The following CCDC192 variants were observed in gnomAD, a reference collection of about 807,000 sequenced individuals.
The protein encoded by CCDC192 is coiled-coil domain-containing protein 192.
chr5:127,795,332 A>G (rs36081147), intron 3 of CCDC192, among the ~76,000 whole-genome samples: 3 of 151,944 alleles, frequency 2.0e-5, no homozygotes, highest in Non-Finnish European at 2.9e-5. Context: ...ATATTTAGAT[A>G]AAACCCAGAA....
intron 2 of CCDC192, among the ~76,000 whole-genome samples, chr5:127,739,240 C>T (rs530300264): frequency 8.5e-4 from 130 of 152,224 alleles, no homozygotes; most frequent in Middle Eastern, 3.4e-3. Flanking sequence ...GTTAGGCTGC[C>T]CGGGGGTCAG....
intron 5 of CCDC192, among the ~76,000 whole-genome samples, chr5:127,872,504 A>G (rs936826069): frequency 2.0e-5 from 3 of 152,168 alleles, no homozygotes; most frequent in African/African-American, 4.8e-5. Context: ...CCAGAAGTGG[A>G]AAGAGTTGAG....
chr5:127,714,185 T>C (rs1431492515), intron 2 of CCDC192, among the ~76,000 whole-genome samples: 1 of 152,236 alleles, frequency 6.6e-6, no homozygotes, highest in Non-Finnish European at 1.5e-5. Context: ...GTCTTTTTTG[T>C]GGCTGAATAG....
At chr5:127,806,546 TCTTA>T (rs377371503) in intron 5 of CCDC192, among the ~76,000 whole-genome samples, 1 of 152,304 alleles carries the variant, frequency 6.6e-6, no homozygotes, top group East Asian at 1.9e-4. Context: ...TATTTCAGTT[TCTTA>T]CTTAATAAGC....
intron 2 of CCDC192, among the ~76,000 whole-genome samples, chr5:127,734,925 A>C (rs1222638262): frequency 6.7e-6 from 1 of 150,146 alleles, no homozygotes; most frequent in Non-Finnish European, 1.5e-5. Flanking sequence ...GAAGCTCTTT[A>C]GTTTAATTAG....
intron 2 of CCDC192, among the ~76,000 whole-genome samples, chr5:127,718,440 G>A (rs934330907): frequency 5.9e-5 from 9 of 152,100 alleles, no homozygotes; most frequent in African/African-American, 2.2e-4. Context: ...TCCTTCAAAT[G>A]GCAAAAAGTT....
At chr5:127,941,140 T>G in intron 6 of CCDC192, 42 bp from the exon 7 acceptor site, 1 of 399,028 alleles carries the variant, frequency 2.5e-6, no homozygotes, top group Non-Finnish European at 4.4e-6. Flanking sequence ...CTGGGAAATC[T>G]AATCAAAACT....
At chr5:127,840,401 G>T (rs1372423664) in intron 5 of CCDC192, among the ~76,000 whole-genome samples, 2 of 152,238 alleles carry the variant, frequency 1.3e-5, no homozygotes, top group South Asian at 4.1e-4. Flanking sequence ...AGTTGCATGG[G>T]TGGAGTAGAA....
At chr5:127,745,418 A>G (rs746759193) in intron 2 of CCDC192, among the ~76,000 whole-genome samples, 3 of 152,240 alleles carry the variant, frequency 2.0e-5, no homozygotes, top group East Asian at 3.8e-4. Flanking sequence ...ACAATGTCAT[A>G]TAAGATTTGT....
intron 2 of CCDC192, among the ~76,000 whole-genome samples, chr5:127,738,975 A>G (rs200934514): frequency 0.27 from 40,568 of 150,326 alleles, 6,368 homozygotes; most frequent in Middle Eastern, 0.38. Flanking sequence ...CTGGTGAGGA[A>G]CTGTGTTCCT....
chr5:127,861,393 G>A (rs1242122570), intron 5 of CCDC192, among the ~76,000 whole-genome samples: 1 of 150,466 alleles, frequency 6.6e-6, no homozygotes, highest in African/African-American at 2.4e-5. Context: ...AGTGGCTCAT[G>A]CCTGTAATCC....
chr5:127,865,976 C>T (rs891723392), intron 5 of CCDC192, among the ~76,000 whole-genome samples: 1 of 151,736 alleles, frequency 6.6e-6, no homozygotes, highest in Non-Finnish European at 1.5e-5. Context: ...TTTTATATAC[C>T]GTGCTCCCTG....
chr5:127,834,888 G>GTA lies in CCDC192; in HGVS notation c.411+36735_411+36736dup, dbSNP rs200191009. 8.9e-4 allele frequency among the ~76,000 whole-genome samples: 135 copies of GTA among 152,226 alleles called. 1 individual carries two copies. The East Asian group carries it at 0.019, about 21-fold the overall frequency. On this transcript the variant is annotated intron_variant, in intron 5 of 6. Coordinates refer to ENST00000514853, the MANE Select transcript of CCDC192 (RefSeq NM_001317938.2). ...GCCAGTAGCACAAATGGGCCAGTGTGTATATATATACATATTTTTTTCTTT... is the reference window on the plus strand; with the variant it reads ...GCCAGTAGCACAAATGGGCCAGTGTGTATATATATATACATATTTTTTTCTTT...
chr5:127,886,101 G>T (rs749968427), intron 6 of CCDC192, among the ~76,000 whole-genome samples: 10 of 152,090 alleles, frequency 6.6e-5, no homozygotes, highest in Non-Finnish European at 1.2e-4. Flanking sequence ...TCTTCTGCAC[G>T]TGCTTTTCTT....
intron 2 of CCDC192, among the ~76,000 whole-genome samples, chr5:127,709,553 C>T (rs1163258938): frequency 6.6e-6 from 1 of 152,152 alleles, no homozygotes; most frequent in Non-Finnish European, 1.5e-5. Flanking sequence ...TCTCTCTTGT[C>T]AGTGTAGTTC....
At chr5:127,710,728 T>C (rs894793179) in intron 2 of CCDC192, among the ~76,000 whole-genome samples, 3 of 152,208 alleles carry the variant, frequency 2.0e-5, no homozygotes, top group African/African-American at 7.2e-5. Context: ...CATTGTTATA[T>C]TGATAATTTT....
intron 3 of CCDC192, among the ~76,000 whole-genome samples, chr5:127,764,256 C>T (rs907701306): frequency 1.3e-5 from 2 of 152,146 alleles, no homozygotes; most frequent in Admixed American, 1.3e-4. Flanking sequence ...AGACCAAAGC[C>T]AGGCATATCA....
At chr5:127,721,430 T>C (rs1752015209) in intron 2 of CCDC192, among the ~76,000 whole-genome samples, 1 of 152,182 alleles carries the variant, frequency 6.6e-6, no homozygotes, top group African/African-American at 2.4e-5. Context: ...CTTATCTCCA[T>C]CTGAGACCAC....
chr5:127,799,296 T>TA (rs1757351050), intron 5 of CCDC192, among the ~76,000 whole-genome samples: 1 of 152,334 alleles, frequency 6.6e-6, no homozygotes, highest in East Asian at 1.9e-4. Flanking sequence ...AGAGAAAAGC[T>TA]AATCTGCTGT....
Sources: gnomAD v4.1 joint callset for allele counts (sites outside exome capture counted in the v4.1 genomes callset) on GRCh38, gnomAD v4.1.1 for gene constraint, MANE v1.5 for transcripts, NCBI Gene and HGNC (gene_info 2026-07-23, HGNC 2026-07-21) for gene names.